Variants in KCND2 observed in about 807,000 individuals in gnomAD.
KCND2 encodes potassium voltage-gated channel subfamily D member 2.
Under a neutral mutation model 54.4 loss-of-function variants are expected in KCND2, and 16 were observed. The ratio of observed to expected loss-of-function variants is 0.29; its 90% CI spans 0.20 to 0.45. KCND2 has a LOEUF of 0.45. KCND2 is among the 20% of genes least tolerant of loss of function. The pLI, the probability that KCND2 is intolerant of heterozygous loss-of-function variation, is 1.00. For missense variants in KCND2, 486 were observed against 824.2 expected (o/e 0.59, Z 5.02); for synonymous variants, 317 against 310.7 (o/e 1.02, Z -0.21).
At position 120,275,260 on chromosome 7, in the gene KCND2, G is replaced by A. The variant is rs2116243396; in HGVS notation, c.628G>A (p.Gly210Arg). 1.2e-6 allele frequency: 2 copies of A among 1,613,936 alleles called. No individual in the cohort carries two copies. The highest frequency in any genetic ancestry group is 1.7e-6 in the Non-Finnish European group (2 of 1,179,992). ...GAATGTGGTGGAAACAGTGCCGTGC[G>A]GATCAAGCCCAGGTCACATTAAAGA... ...IANVVETVPC[G>R]SSPGHIKELP... Residue 210 changes from glycine (G) to arginine (R), a missense_variant, in exon 1 of 6, where the codon GGA becomes AGA. Physicochemically the swap from Gly to Arg is moderately radical, Grantham distance 125 (BLOSUM62 -2). Transcript: ENST00000331113.
intron 1 of KCND2, among the ~76,000 whole-genome samples, chr7:120,578,281 C>T (rs1233261589): frequency 1.3e-5 from 2 of 151,882 alleles, no homozygotes; most frequent in Admixed American, 6.6e-5. Flanking sequence ...TAGCAAGACC[C>T]TGTTTCAAGA....
intron 1 of KCND2, among the ~76,000 whole-genome samples, chr7:120,297,899 T>G (rs1799532886): frequency 1.3e-5 from 2 of 152,162 alleles, no homozygotes; most frequent in African/African-American, 4.8e-5. Flanking sequence ...GCCTGAAAAT[T>G]TAGTTTAGCA....
intron 1 of KCND2, among the ~76,000 whole-genome samples, chr7:120,590,988 A>G (rs1792664731): frequency 6.6e-6 from 1 of 152,086 alleles, no homozygotes; most frequent in African/African-American, 2.4e-5. Flanking sequence ...TAGAAAATCT[A>G]TACTGCAGGT....
intron 1 of KCND2, among the ~76,000 whole-genome samples, chr7:120,385,270 G>A (rs1334761530): frequency 1.3e-5 from 2 of 151,788 alleles, no homozygotes; most frequent in Non-Finnish European, 2.9e-5. Flanking sequence ...TGGGATTACA[G>A]ACATGAGCCA....
At chr7:120,423,670 G>A (rs1226975836) in intron 1 of KCND2, among the ~76,000 whole-genome samples, 1 of 152,138 alleles carries the variant, frequency 6.6e-6, no homozygotes, top group Non-Finnish European at 1.5e-5. Flanking sequence ...TACCTTCCTT[G>A]ACAGGCAGGA....
intron 1 of KCND2, among the ~76,000 whole-genome samples, chr7:120,399,940 G>T (rs1801222318): frequency 6.6e-6 from 1 of 151,964 alleles, no homozygotes; most frequent in Admixed American, 6.6e-5. Flanking sequence ...TGCCCAGGCT[G>T]GTCTCAAACT....
At chr7:120,298,995 C>T (rs1437325648) in intron 1 of KCND2, among the ~76,000 whole-genome samples, 2 of 152,078 alleles carry the variant, frequency 1.3e-5, no homozygotes. Context: ...CCCGTCTCTA[C>T]TAAAAGTACA....
chr7:120,355,066 T>G (rs1800479293), intron 1 of KCND2, among the ~76,000 whole-genome samples: 1 of 152,210 alleles, frequency 6.6e-6, no homozygotes, highest in Non-Finnish European at 1.5e-5. Context: ...GCACTTGCTT[T>G]TTCATTGAAG....
At chr7:120,308,141 A>G (rs1411585792) in intron 1 of KCND2, among the ~76,000 whole-genome samples, 1 of 152,084 alleles carries the variant, frequency 6.6e-6, no homozygotes, top group Non-Finnish European at 1.5e-5. Flanking sequence ...CTGAAATACC[A>G]CTTACTGAAG....
Position 120,427,792 on chromosome 7 carries a change from G to A in KCND2, c.1115+152045G>A, listed in dbSNP as rs1801732099. Among the ~76,000 whole-genome samples, 7 of 152,072 alleles carry A rather than the reference G, an allele frequency of 4.6e-5. No homozygotes were observed. In the South Asian group the frequency reaches 1.5e-3, roughly 32 times the overall value. ...TAATTTCTCATTCCATTGCTGCTGT[G>A]ACTCTTATCTAAATTGACAAAAATG... On this transcript the variant is annotated intron_variant, in intron 1 of 5. Transcript: ENST00000331113.
At chr7:120,617,363 C>T (rs1793039535) in intron 1 of KCND2, among the ~76,000 whole-genome samples, 1 of 152,132 alleles carries the variant, frequency 6.6e-6, no homozygotes, top group African/African-American at 2.4e-5. Flanking sequence ...AGAAGACATA[C>T]ACACAGCCAG....
rs1799112833 is a variant in KCND2 at position 120,273,454 on chromosome 7, C to A, written c.-1179C>A. Among the ~76,000 whole-genome samples the A allele has an allele frequency of 6.7e-6, 1 of 149,750 alleles. No homozygotes were observed. Among genetic ancestry groups the A allele is most frequent in the Non-Finnish European group, 1.5e-5 (1 of 67,292 alleles). On this transcript the variant is annotated 5_prime_UTR_variant, in exon 1 of 6. Transcript: ENST00000331113. ...GCCCCGCAGCCCCGCACCGCGCTGG[C>A]CAGGCTCCCGCGACAGTGGCCCCGC...
intron 1 of KCND2, among the ~76,000 whole-genome samples, chr7:120,527,819 A>T (rs980572221): frequency 1.3e-5 from 2 of 152,122 alleles, no homozygotes; most frequent in African/African-American, 4.8e-5. Flanking sequence ...ACATATAGGG[A>T]AGTATAAGGA....
chr7:120,615,750 T>G (rs1256031677), intron 1 of KCND2, among the ~76,000 whole-genome samples: 1 of 152,220 alleles, frequency 6.6e-6, no homozygotes, highest in Non-Finnish European at 1.5e-5. Context: ...ATAAATCTCC[T>G]TCTTTACTGC....
intron 1 of KCND2, among the ~76,000 whole-genome samples, chr7:120,572,142 C>T (rs1295159603): frequency 1.3e-5 from 2 of 150,676 alleles, no homozygotes; most frequent in African/African-American, 4.9e-5. Flanking sequence ...TAGGATGGAG[C>T]TAGTGCTTGC....
At chr7:120,454,119 C>A (rs2116224290) in intron 1 of KCND2, among the ~76,000 whole-genome samples, 1 of 151,884 alleles carries the variant, frequency 6.6e-6, no homozygotes, top group Admixed American at 6.6e-5. Context: ...AAAAAGATCT[C>A]AAATTAACAA....
intron 1 of KCND2, among the ~76,000 whole-genome samples, chr7:120,706,247 T>C: frequency 6.6e-6 from 1 of 152,178 alleles, no homozygotes; most frequent in Non-Finnish European, 1.5e-5. Flanking sequence ...TATATAATTT[T>C]AAGAACCCTC....
At chr7:120,540,571 T>C (rs973998391) in intron 1 of KCND2, among the ~76,000 whole-genome samples, 1 of 152,306 alleles carries the variant, frequency 6.6e-6, no homozygotes, top group African/African-American at 2.4e-5. Context: ...GACATTTGAA[T>C]GATGCCAAAA....
intron 1 of KCND2, among the ~76,000 whole-genome samples, chr7:120,487,518 G>T (rs1349593302): frequency 6.6e-6 from 1 of 152,146 alleles, no homozygotes; most frequent in East Asian, 1.9e-4. Flanking sequence ...TTGCAGTAAA[G>T]CTGAGGCTCA....
Sources: gnomAD v4.1 joint callset for allele counts (sites outside exome capture counted in the v4.1 genomes callset) on GRCh38, gnomAD v4.1.1 for gene constraint, MANE v1.5 for transcripts, NCBI Gene and HGNC (gene_info 2026-07-23, HGNC 2026-07-21) for gene names.